Variants in AIM2 observed in about 807,000 individuals in gnomAD.
AIM2 encodes the protein interferon-inducible protein AIM2.
A neutral mutation model predicts 27.7 loss-of-function variants in AIM2; 30 were observed. The ratio of observed to expected loss-of-function variants is 1.08; its 90% confidence interval spans 0.81 to 1.47. The LOEUF (loss-of-function observed/expected upper bound fraction) is 1.47, where lower values mean the gene tolerates loss of function less well. Among genes scored for constraint, AIM2 ranks in the 40% most tolerant of loss-of-function variants. The pLI, the probability that AIM2 is intolerant of heterozygous loss-of-function variation, is 0.00. For missense variants in AIM2, 358 were observed against 411.3 expected (o/e 0.87, Z 1.12); for synonymous variants, 141 against 145.3 (o/e 0.97, Z 0.21).
intron 1 of AIM2, among the ~76,000 whole-genome samples, chr1:159,106,040 G>C (rs1164665384): frequency 6.6e-6 from 1 of 152,162 alleles, no homozygotes; most frequent in Non-Finnish European, 1.5e-5. Context: ...TCATGACAGT[G>C]CCTGGGCTCA....
At chr1:159,127,211 T>C (rs1386086599) in intron 1 of AIM2, among the ~76,000 whole-genome samples, 2 of 152,234 alleles carry the variant, frequency 1.3e-5, no homozygotes, top group Non-Finnish European at 2.9e-5. Flanking sequence ...ATCCTGAGTG[T>C]TTATTTTATT....
chr1:159,114,680 A>C (rs1208344854), intron 1 of AIM2, among the ~76,000 whole-genome samples: 3 of 152,244 alleles, frequency 2.0e-5, no homozygotes, highest in Non-Finnish European at 4.4e-5. Flanking sequence ...ACTGCACTAC[A>C]GCCTGGGTGA....
intron 1 of AIM2, among the ~76,000 whole-genome samples, chr1:159,096,841 T>C (rs1026873451): frequency 1.3e-5 from 2 of 152,016 alleles, no homozygotes; most frequent in African/African-American, 4.8e-5. Context: ...TGAAGGATGA[T>C]GGGGGGAATG....
At chr1:159,098,296 A>G (rs532288612) in intron 1 of AIM2, among the ~76,000 whole-genome samples, 1 of 152,314 alleles carries the variant, frequency 6.6e-6, no homozygotes, top group South Asian at 2.1e-4. Context: ...GAGAAATACA[A>G]CAGAGAGCTA....
downstream of AIM2, among the ~76,000 whole-genome samples, chr1:159,061,447 C>T (rs1248989893): frequency 6.6e-6 from 1 of 152,030 alleles, no homozygotes; most frequent in Non-Finnish European, 1.5e-5. Flanking sequence ...GGCTGGAGTG[C>T]AATGGCGCAA....
At chr1:159,077,282 TC>T (rs1656645459), upstream of AIM2, among the ~76,000 whole-genome samples, 1 of 152,220 alleles carries the variant, frequency 6.6e-6, no homozygotes, top group South Asian at 2.1e-4. Flanking sequence ...TATGGAGTAC[TC>T]TGTAATCAAG....
chr1:159,065,999 T>A lies in AIM2; in HGVS notation c.727A>T (p.Ile243Phe), dbSNP rs567231955. The A allele has an allele frequency of 1.3e-4, 212 of 1,613,644 alleles. 3 individuals carry two copies. In the South Asian group the frequency reaches 2.2e-3, roughly 17 times the overall value. Residue 243 changes from isoleucine (I) to phenylalanine (F), a missense_variant, in exon 4 of 6, where the codon ATC becomes TTC. By Grantham distance (21) the Ile-to-Phe change is conservative. Transcript: ENST00000368130. ...DQKVNVPLNIIRKAGETPKIN... is the reference protein window; with the variant it reads ...DQKVNVPLNIFRKAGETPKIN... ...TTCGGGGTTTCACCAGCTTTTCTGA[T>A]AATGTTCAGCGGGACATTAACCTTT...
At chr1:159,111,734 G>C (rs546928765) in intron 1 of AIM2, among the ~76,000 whole-genome samples, 45 of 151,358 alleles carry the variant, frequency 3.0e-4, no homozygotes, top group African/African-American at 1.1e-3. Context: ...AGGCCGAAGC[G>C]GGTGGATTGC....
Position 159,134,561 on chromosome 1 carries a change from G to T in AIM2, c.-16+5870C>A, listed in dbSNP as rs570005088. On this transcript the variant is annotated intron_variant, in intron 1 of 2. Transcript: ENST00000368129. The stretch of plus-strand genomic sequence containing the variant: ...ACAGTCCTTCATCCGGCCGAGTGCG[G>T]TGGCTCACACCTGTAATCCCATCAC... Among the ~76,000 whole-genome samples the T allele has an allele frequency of 1.4e-4, 22 of 152,324 alleles. 1 individual carries two copies. In the South Asian group the frequency reaches 4.1e-3, roughly 29 times the overall value.
upstream of AIM2, chr1:159,081,312 C>A (rs1656769972): frequency 4.6e-6 from 1 of 219,286 alleles, no homozygotes; most frequent in Non-Finnish European, 9.6e-6. Context: ...GAAATAAAAT[C>A]TGTTGACCTG....
chr1:159,101,358 G>A (rs1001123608), intron 1 of AIM2, among the ~76,000 whole-genome samples: 28 of 152,168 alleles, frequency 1.8e-4, no homozygotes, highest in African/African-American at 6.8e-4. Flanking sequence ...GGCCTCCCCA[G>A]CCATGCAGAA....
At chr1:159,136,246 A>G (rs1450000844) in intron 1 of AIM2, among the ~76,000 whole-genome samples, 2 of 152,244 alleles carry the variant, frequency 1.3e-5, no homozygotes, top group Non-Finnish European at 2.9e-5. Flanking sequence ...CCTCACGCAC[A>G]GCCTCCAAGA....
intron 1 of AIM2, among the ~76,000 whole-genome samples, chr1:159,082,274 A>T (rs1484400723): frequency 2.0e-5 from 3 of 152,202 alleles, no homozygotes; most frequent in African/African-American, 4.8e-5. Context: ...ATGTACATGT[A>T]AGGAAGGAAC....
upstream of AIM2, among the ~76,000 whole-genome samples, chr1:159,145,493 A>T (rs939287451): frequency 2.6e-4 from 39 of 152,232 alleles, no homozygotes; most frequent in African/African-American, 9.4e-4. Context: ...GTAACAATTC[A>T]GCATGAGAAT....
chr1:159,075,833 G>A lies in AIM2; in HGVS notation c.-21+800C>T, dbSNP rs1205842017. 3.3e-5 allele frequency among the ~76,000 whole-genome samples: 5 copies of A among 152,134 alleles called. No individual in the cohort carries two copies. In the South Asian group the frequency reaches 1.0e-3, roughly 31 times the overall value. On this transcript the variant is annotated intron_variant, in intron 1 of 5. Transcript: ENST00000368130. ...TATAAAGTGGAAGAAATAAGCCAAA[G>A]AACAGGAAAAGATGTTTATGAGCTG...
At chr1:159,083,057 G>A (rs855867) in intron 1 of AIM2, among the ~76,000 whole-genome samples, 109,106 of 152,116 alleles carry the variant, frequency 0.72, 43,714 homozygotes, top group Non-Finnish European at 0.89. Context: ...AGCACGTCAA[G>A]ATGGAACAAA....
chr1:159,137,205 A>G (rs1343001247), intron 1 of AIM2, among the ~76,000 whole-genome samples: 1 of 152,144 alleles, frequency 6.6e-6, no homozygotes, highest in Non-Finnish European at 1.5e-5. Flanking sequence ...GTGGTTTGAA[A>G]ATTTGATGGA....
intron 3 of AIM2, among the ~76,000 whole-genome samples, chr1:159,066,559 G>A (rs887950266): frequency 9.9e-5 from 15 of 152,164 alleles, no homozygotes; most frequent in Non-Finnish European, 2.1e-4. Flanking sequence ...GGTGTAACAC[G>A]TTTTGGAGGT....
At chr1:159,056,360 C>G in the AIM2 span, among the ~76,000 whole-genome samples, 1 of 152,064 alleles carries the variant, frequency 6.6e-6, no homozygotes, top group Admixed American at 6.5e-5. Context: ...TCTGGGGACC[C>G]CTTCCCACCT....
Sources: gnomAD v4.1 joint callset for allele counts (sites outside exome capture counted in the v4.1 genomes callset) on GRCh38, gnomAD v4.1.1 for gene constraint, MANE v1.5 for transcripts, NCBI Gene and HGNC (gene_info 2026-07-23, HGNC 2026-07-21) for gene names.